Variants in CRY1 observed in about 807,000 individuals in gnomAD.
CRY1 encodes cryptochrome-1.
A neutral mutation model predicts 76.0 loss-of-function variants in CRY1; 45 were observed. That is an observed-to-expected ratio of 0.59 (90% CI 0.47 to 0.76). The LOEUF (loss-of-function observed/expected upper bound fraction) is 0.76, where lower values mean the gene tolerates loss of function less well. CRY1 is among the 30% of genes least tolerant of loss of function. CRY1 has a pLI of 0.00. For synonymous variants in CRY1, 248 were observed against 244.0 expected (o/e 1.02, Z -0.15); for missense variants, 587 against 716.4 (o/e 0.82, Z 2.06).
chr12:107,050,805 C>T (rs77706154), intron 1 of CRY1, among the ~76,000 whole-genome samples: 8,800 of 152,132 alleles, frequency 0.058, 384 homozygotes, highest in Middle Eastern at 0.088. Context: ...CTTGGAAGGA[C>T]AGACTAACCA....
chr12:107,025,468 G>A (rs993462279), intron 1 of CRY1, among the ~76,000 whole-genome samples: 1 of 151,916 alleles, frequency 6.6e-6, no homozygotes, highest in African/African-American at 2.4e-5. Flanking sequence ...TGTAAAATTG[G>A]GACAGTAATC....
chr12:106,996,436 G>T (rs544365278), intron 10 of CRY1, among the ~76,000 whole-genome samples: 1 of 152,148 alleles, frequency 6.6e-6, no homozygotes, highest in South Asian at 2.1e-4. Context: ...GAACATACGT[G>T]TGCATGTATC....
At chr12:106,998,137 G>A in intron 7 of CRY1, 71 bp from the exon 8 acceptor site, 1 of 1,553,184 alleles carries the variant, frequency 6.4e-7, no homozygotes, top group Non-Finnish European at 8.8e-7. Context: ...CAAGGTCACA[G>A]TAGAGCCAAA....
intron 1 of CRY1, among the ~76,000 whole-genome samples, chr12:107,060,683 T>C (rs982906066): frequency 1.3e-5 from 2 of 152,196 alleles, no homozygotes; most frequent in African/African-American, 4.8e-5. Flanking sequence ...AACTATGACC[T>C]TTTAACTCTT....
rs754873158 is a variant in CRY1, at chr12:106,999,786, G to C, written c.902C>G (p.Thr301Arg). 1.9e-6 allele frequency: 3 copies of C among 1,614,198 alleles called. No individual in the cohort carries two copies. The Admixed American group carries it at 5.0e-5, about 27-fold the overall frequency. The change falls in exon 7 of 13, where the codon ACA becomes AGA. Residue 301 changes from threonine to arginine, a missense_variant. Thr to Arg is a moderately conservative substitution (Grantham distance 71, BLOSUM62 -1). Coordinates refer to ENST00000008527, the MANE Select transcript of CRY1 (RefSeq NM_004075.5). ...LWREFFYTAA[T>R]NNPRFDKMEG... ...CATTTTATCAAAGCGTGGATTATTT[G>C]TTGCTGCTGTATAGAAAAATTCACG...
chr12:107,003,919 C>T lies in CRY1; in HGVS notation c.410+1187G>A, dbSNP rs186702487. Among the ~76,000 whole-genome samples the T allele has an allele frequency of 5.7e-4, 86 of 151,408 alleles. No individual in the cohort carries two copies. In the East Asian group the frequency reaches 0.014, roughly 24 times the overall value. On this transcript the variant is annotated intron_variant, in intron 3 of 12. Transcript: ENST00000008527. ...CCTCCCGGGTTCAAGTGATTCTCCT[C>T]CCTCAGCCTCCCAAGTAGCTGGATT...
chr12:107,051,254 A>G (rs1952916815), intron 1 of CRY1, among the ~76,000 whole-genome samples: 2 of 152,206 alleles, frequency 1.3e-5, no homozygotes, highest in Non-Finnish European at 2.9e-5. Flanking sequence ...ACTATTCTTA[A>G]CTAATCCTGT....
chr12:106,995,056 A>G (rs1952218868), intron 10 of CRY1, among the ~76,000 whole-genome samples: 1 of 152,240 alleles, frequency 6.6e-6, no homozygotes, highest in Non-Finnish European at 1.5e-5. Flanking sequence ...ATGATGCAGG[A>G]AGAAGTACAA....
intron 1 of CRY1, among the ~76,000 whole-genome samples, chr12:107,051,984 T>C (rs1017357112): frequency 1.3e-5 from 2 of 152,170 alleles, no homozygotes; most frequent in African/African-American, 2.4e-5. Context: ...TTCTGTAGTC[T>C]AAAAGAAATT....
At chr12:107,080,402 C>A (rs531798884) in intron 1 of CRY1, among the ~76,000 whole-genome samples, 1 of 152,114 alleles carries the variant, frequency 6.6e-6, no homozygotes, top group African/African-American at 2.4e-5. Flanking sequence ...GCTGAAGACA[C>A]TAACTTGAGA....
intron 2 of CRY1, among the ~76,000 whole-genome samples, chr12:107,007,913 T>C (rs1462254716): frequency 6.6e-6 from 1 of 152,176 alleles, no homozygotes; most frequent in East Asian, 1.9e-4. Context: ...TTCCTGCCCC[T>C]TTTCCTTCTT....
chr12:107,070,439 C>G (rs995302263), intron 1 of CRY1, among the ~76,000 whole-genome samples: 1 of 151,908 alleles, frequency 6.6e-6, no homozygotes, highest in Admixed American at 6.6e-5. Context: ...CATGAACACA[C>G]AGTTACAAAA....
intron 10 of CRY1, among the ~76,000 whole-genome samples, chr12:106,996,422 C>T (rs927713229): frequency 2.0e-5 from 3 of 152,150 alleles, no homozygotes; most frequent in African/African-American, 7.2e-5. Context: ...AATAGTGCTG[C>T]AATGAACATA....
intron 1 of CRY1, among the ~76,000 whole-genome samples, chr12:107,061,255 T>C (rs1397374827): frequency 6.6e-6 from 1 of 152,192 alleles, no homozygotes; most frequent in Non-Finnish European, 1.5e-5. Context: ...AGTGTCTCTT[T>C]ACCTTATTAG....
At chr12:107,049,812 AG>A (rs1289684558) in intron 1 of CRY1, 1 of 152,230 alleles carries the variant, frequency 6.6e-6, no homozygotes, top group African/African-American at 2.4e-5. Flanking sequence ...CACTTCCAGA[AG>A]TAGAAATGCC....
At chr12:107,005,493 T>C (rs1285064086) in intron 2 of CRY1, among the ~76,000 whole-genome samples, 5 of 152,234 alleles carry the variant, frequency 3.3e-5, no homozygotes, top group African/African-American at 1.2e-4. Context: ...TAAAACCAGC[T>C]CTTATACTAA....
intron 1 of CRY1, among the ~76,000 whole-genome samples, chr12:107,026,319 C>T (rs551227394): frequency 2.5e-3 from 372 of 151,130 alleles, no homozygotes; most frequent in African/African-American, 8.5e-3. Flanking sequence ...GCAGCCTCCA[C>T]CTCCCAGGTT....
At position 107,001,384 on chromosome 12, in the gene CRY1, G is replaced by A. The variant is rs1327008197; in HGVS notation, c.596-16C>T. The A allele has an allele frequency of 1.9e-6, 3 of 1,576,942 alleles. No homozygotes were observed. Among genetic ancestry groups the A allele is most frequent in the African/African-American group, 1.4e-5 (1 of 72,894 alleles). On this transcript the variant is annotated splice_polypyrimidine_tract_variant and intron_variant, in intron 4 of 12. Transcript: ENST00000008527. The stretch of plus-strand genomic sequence containing the variant: ...GTATCAAAACCTACAAGAAAGAAAA[G>A]AAAAAAACATCATTCTTCCGAAACT...
intron 2 of CRY1, among the ~76,000 whole-genome samples, chr12:107,020,567 C>A (rs1341550870): frequency 6.6e-6 from 1 of 151,262 alleles, no homozygotes; most frequent in African/African-American, 2.4e-5. Flanking sequence ...TGTGGCACCT[C>A]CCCGCTCCTT....
Sources: allele counts gnomAD v4.1 joint callset (sites outside exome capture counted in the v4.1 genomes callset), GRCh38; gene constraint gnomAD v4.1.1; transcripts MANE v1.5; gene names NCBI Gene and HGNC (gene_info 2026-07-23, HGNC 2026-07-21).